The following GPHN variants were observed in gnomAD, a reference collection of about 807,000 sequenced individuals.
The protein encoded by GPHN is gephyrin.
GPHN carries 17 observed loss-of-function variants against 95.5 expected under a neutral mutation model. That is an observed-to-expected ratio of 0.18 (90% CI 0.12 to 0.27). The LOEUF (loss-of-function observed/expected upper bound fraction) is 0.27, where lower values mean the gene tolerates loss of function less well. GPHN is among the 10% of genes least tolerant of loss of function. The pLI is 1.00. For missense variants in GPHN, 660 were observed against 978.1 expected, an observed-to-expected ratio of 0.67 and a Z score of 4.34; for synonymous variants, 320 against 322.5, an observed-to-expected ratio of 0.99 and a Z score of 0.08.
the GPHN span, chr14:67,734,065 C>T: frequency 2.3e-6 from 1 of 426,418 alleles, no homozygotes; most frequent in South Asian, 2.0e-5. Context: ...GAGTGTTCTT[C>T]TCTAAGACCT....
At chr14:66,513,483 T>C (rs111836486) in intron 1 of GPHN, among the ~76,000 whole-genome samples, 2,024 of 151,714 alleles carry the variant, frequency 0.013, 22 homozygotes, top group Middle Eastern at 0.02. Flanking sequence ...TTAAAAACAA[T>C]CAGTAAAATA....
the GPHN span, among the ~76,000 whole-genome samples, chr14:67,701,008 G>A: frequency 2.2e-5 from 2 of 92,042 alleles, no homozygotes; most frequent in African/African-American, 8.4e-5. Context: ...TGGGTGACAA[G>A]AGCAAAATTT....
At chr14:67,473,352 C>T in the GPHN span, 1 of 1,570,702 alleles carries the variant, frequency 6.4e-7, no homozygotes, top group Non-Finnish European at 8.6e-7. This position sits in a 1 kb window ranked among gnomAD's most constrained non-coding sequence, Gnocchi z 6.5. Flanking sequence ...ATGGGGCAAC[C>T]TCACCAGCTT....
intron 9 of GPHN, chr14:66,969,939 T>C (rs1444880334): frequency 1.3e-5 from 2 of 152,068 alleles, no homozygotes; most frequent in African/African-American, 2.4e-5. Context: ...ATGAAGAATA[T>C]TTTTAAACAC....
the GPHN span, chr14:67,656,969 T>A: frequency 6.2e-6 from 1 of 160,152 alleles, no homozygotes; most frequent in Non-Finnish European, 1.4e-5. Flanking sequence ...GCATATAGCC[T>A]GTAACTTCGA....
the GPHN span, among the ~76,000 whole-genome samples, chr14:67,189,226 C>T: frequency 6.6e-6 from 1 of 152,190 alleles, no homozygotes; most frequent in Admixed American, 6.5e-5. Flanking sequence ...AAACTTCACA[C>T]CACCACCTGA....
chr14:66,932,444 GTTTTTTTTT>G (rs35159325), intron 8 of GPHN, among the ~76,000 whole-genome samples: 3 of 24,392 alleles, frequency 1.2e-4, no homozygotes, highest in East Asian at 1.8e-3. Context: ...CCAAGACCAG[GTTTTTTTTT>G]TTTTTTTTTT....
intron 3 of GPHN, among the ~76,000 whole-genome samples, chr14:66,786,766 AT>A (rs2059791302): frequency 6.6e-6 from 1 of 152,144 alleles, no homozygotes; most frequent in Admixed American, 6.5e-5. Flanking sequence ...CGAGCTAAAG[AT>A]GAAAAATCAA....
At chr14:67,216,737 G>C in the GPHN span, among the ~76,000 whole-genome samples, 1 of 151,914 alleles carries the variant, frequency 6.6e-6, no homozygotes, top group Admixed American at 6.6e-5. Flanking sequence ...TTGATTTCTA[G>C]TTTTATTCCA....
chr14:67,579,935 G>C, the GPHN span: 1 of 1,488,334 alleles, frequency 6.7e-7, no homozygotes, highest in Non-Finnish European at 9.1e-7. Flanking sequence ...TTGGTGGTGG[G>C]GAAAGAGCCC....
chr14:66,683,563 G>T (rs539071834), intron 2 of GPHN, among the ~76,000 whole-genome samples: 1 of 134,832 alleles, frequency 7.4e-6, no homozygotes, highest in African/African-American at 2.9e-5. Context: ...TCAGACTCTT[G>T]GCATAAATGT....
intron 1 of GPHN, among the ~76,000 whole-genome samples, chr14:66,672,989 T>G (rs2066383874): frequency 6.6e-6 from 1 of 152,236 alleles, no homozygotes; most frequent in Non-Finnish European, 1.5e-5. Context: ...GTTCTTGTTT[T>G]GTCTCCCACT....
intron 2 of GPHN, among the ~76,000 whole-genome samples, chr14:66,766,857 C>T (rs375236796): frequency 9.9e-5 from 15 of 152,128 alleles, no homozygotes; most frequent in African/African-American, 3.4e-4. Context: ...TTTCATTAAT[C>T]TTGCCTCTGC....
At chr14:66,950,066 A>C (rs910541026) in intron 8 of GPHN, among the ~76,000 whole-genome samples, 11 of 151,400 alleles carry the variant, frequency 7.3e-5, no homozygotes, top group African/African-American at 2.7e-4. Context: ...ATGTGTTCCC[A>C]TTACAGTTTT....
At chr14:67,492,234 G>A in the GPHN span, among the ~76,000 whole-genome samples, 23 of 152,148 alleles carry the variant, frequency 1.5e-4, no homozygotes, top group African/African-American at 5.6e-4. Context: ...GCAATCAGTA[G>A]CTGCTGCTTG....
At chr14:67,715,762 C>G in the GPHN span, among the ~76,000 whole-genome samples, 1 of 152,190 alleles carries the variant, frequency 6.6e-6, no homozygotes, top group African/African-American at 2.4e-5. Flanking sequence ...CTTAGAATCT[C>G]ATAACCAGGG....
intron 4 of GPHN, among the ~76,000 whole-genome samples, chr14:66,856,082 A>T (rs910406964): frequency 2.6e-5 from 4 of 152,176 alleles, no homozygotes; most frequent in Non-Finnish European, 5.9e-5. Flanking sequence ...GCCTTCATCA[A>T]ACAGTACTTT....
the GPHN span, among the ~76,000 whole-genome samples, chr14:67,621,814 A>G: frequency 6.6e-6 from 1 of 151,450 alleles, no homozygotes; most frequent in East Asian, 2.0e-4. Flanking sequence ...ATACCTTTAT[A>G]AGCAGGGTGC....
At chr14:67,065,710 T>C (rs1230259148) in intron 11 of GPHN, among the ~76,000 whole-genome samples, 3 of 152,094 alleles carry the variant, frequency 2.0e-5, no homozygotes, top group African/African-American at 7.2e-5. Context: ...TTTTGATCTT[T>C]GTTGGTTTAA....
Sources: allele counts gnomAD v4.1 joint callset (sites outside exome capture counted in the v4.1 genomes callset), GRCh38; gene constraint gnomAD v4.1.1; non-coding constraint Gnocchi (gnomAD v3.1); transcripts MANE v1.5; gene names NCBI Gene and HGNC (gene_info 2026-07-23, HGNC 2026-07-21).